SNX31: variants seen among roughly 807,000 people sequenced by gnomAD.
SNX31 encodes the protein sorting nexin 31, also known as sorting nexin-31.
SNX31 carries 58 observed loss-of-function variants against 65.4 expected under a neutral mutation model. The ratio of observed to expected loss-of-function variants is 0.89; its 90% CI spans 0.72 to 1.10. The LOEUF is 1.10. Ranked by LOEUF, SNX31 falls within the 50% of genes least tolerant of loss-of-function variation. The pLI, the probability that SNX31 is intolerant of heterozygous loss-of-function variation, is 0.00. For synonymous variants in SNX31, 181 were observed against 190.1 expected (o/e 0.95, Z 0.39); for missense variants, 523 against 529.7 (o/e 0.99, Z 0.12).
rs1816504952 is a variant in SNX31 at position 100,609,425 on chromosome 8, G to A, written c.612-862C>T. On this transcript the variant is annotated intron_variant, in intron 7 of 13. Coordinates refer to ENST00000311812, the MANE Select transcript of SNX31 (RefSeq NM_152628.4). This position sits in a 1 kb window ranked among gnomAD's most constrained non-coding sequence, Gnocchi z 4.9. ...GACACCATCTGTGAAGAACCCCAAG[G>A]CCAGGGGCCTATCCAGAGTTGCCCC... is the stretch of plus-strand genomic sequence containing the variant. Among the ~76,000 whole-genome samples the A allele has an allele frequency of 6.6e-6, 1 of 152,150 alleles. No individual in the cohort carries two copies. The highest frequency in any genetic ancestry group is 2.4e-5 in the African/African-American group (1 of 41,434).
intron 2 of SNX31, among the ~76,000 whole-genome samples, chr8:100,643,908 C>T (rs1321775035): frequency 2.0e-5 from 3 of 152,138 alleles, no homozygotes; most frequent in Admixed American, 6.6e-5. Flanking sequence ...AAGGTTGAAA[C>T]ATGAAGCGGC....
At chr8:100,646,505 T>A (rs898026508) in intron 2 of SNX31, among the ~76,000 whole-genome samples, 1 of 152,230 alleles carries the variant, frequency 6.6e-6, no homozygotes, top group African/African-American at 2.4e-5. Context: ...AAAGCCTGGC[T>A]GCATCAATAC....
rs1173913088 is a variant in SNX31 at position 100,641,545 on chromosome 8, C to CA, written c.142-5535dup. ...GGGCCACTGGAGTGAGACCTTGTCTCAAAAAAAAAAAAAAAAAAAAATATA... is the reference window on the plus strand; with the variant it reads ...GGGCCACTGGAGTGAGACCTTGTCTCAAAAAAAAAAAAAAAAAAAAAATATA... On this transcript the variant is annotated intron_variant, in intron 2 of 13. Coordinates refer to ENST00000311812, the MANE Select transcript of SNX31 (RefSeq NM_152628.4). Among the ~76,000 whole-genome samples the CA allele has an allele frequency of 8.8e-4, 9 of 10,260 alleles. 2 individuals carry two copies. Among genetic ancestry groups the CA allele is most frequent in the East Asian group, 2.9e-3 (1 of 350 alleles). 6.7% of individuals were successfully genotyped at this position (10,260 alleles called of 152,430 possible).
At chr8:100,646,326 C>A (rs1013605576) in intron 2 of SNX31, among the ~76,000 whole-genome samples, 3 of 152,036 alleles carry the variant, frequency 2.0e-5, no homozygotes, top group Non-Finnish European at 4.4e-5. Flanking sequence ...AGACAGGTCA[C>A]GGGAAGAAGA....
intron 4 of SNX31, chr8:100,618,970 T>A (rs1162501201): frequency 1.3e-5 from 2 of 152,202 alleles, no homozygotes; most frequent in Non-Finnish European, 2.9e-5. Flanking sequence ...CATTGGCCAC[T>A]GGTGACGAAA....
At chr8:100,645,726 C>A (rs1289319515) in intron 2 of SNX31, among the ~76,000 whole-genome samples, 5 of 151,742 alleles carry the variant, frequency 3.3e-5, no homozygotes, top group African/African-American at 1.2e-4. Flanking sequence ...ATCCTCCCAC[C>A]TCAGGCTCCT....
chr8:100,617,730 T>C lies in SNX31; in HGVS notation c.322A>G (p.Asn108Asp), dbSNP rs1817340886. The change falls in exon 5 of 14, where the codon AAT becomes GAT. Residue 108 changes from asparagine (N) to aspartate (D), a missense_variant and splice_region_variant. By Grantham distance (23) the Asn-to-Asp change is conservative (BLOSUM62 1). Transcript: ENST00000311812. ...FVEFLKLAQL[N>D]TFDIATKKAY... ...TTCTTGGTGGCGATGTCAAATGTAT[T>C]CTATAAGCAAAAGAAAAGCAAAATA... is the stretch of plus-strand genomic sequence containing the variant. The C allele has an allele frequency of 1.3e-6, 2 of 1,596,228 alleles. No individual in the cohort carries two copies. Among genetic ancestry groups the C allele is most frequent in the Admixed American group, 1.8e-5 (1 of 55,592 alleles).
chr8:100,600,449 TA>T lies in SNX31; in HGVS notation c.682-9del. 4 of 1,605,116 alleles carry T rather than the reference TA, an allele frequency of 2.5e-6. No homozygotes were observed. Among genetic ancestry groups the T allele is most frequent in the Non-Finnish European group, 2.6e-6 (3 of 1,175,978 alleles). Reference sequence around the variant, plus strand: ...TTCAATGTCCTGTATTGCCTTAAAATAACATAAGTTGTAAAATTAGCAGTCT... The same window carrying T: ...TTCAATGTCCTGTATTGCCTTAAAATACATAAGTTGTAAAATTAGCAGTCT... On this transcript the variant is annotated splice_polypyrimidine_tract_variant and intron_variant, in intron 8 of 13. Coordinates refer to ENST00000311812, the MANE Select transcript of SNX31 (RefSeq NM_152628.4).
intron 4 of SNX31, among the ~76,000 whole-genome samples, chr8:100,619,377 G>A (rs1030337279): frequency 1.3e-5 from 2 of 152,222 alleles, no homozygotes; most frequent in African/African-American, 2.4e-5. Flanking sequence ...TCCAGCTGAA[G>A]GAGCAGCTCC....
chr8:100,635,828 G>T, intron 3 of SNX31, 69 bp downstream of exon 3: 1 of 983,594 alleles, frequency 1.0e-6, no homozygotes, highest in Non-Finnish European at 1.6e-6. Flanking sequence ...CACTTTAGCA[G>T]GTGAATTTTG....
intron 11 of SNX31, 48 bp from the exon 12 acceptor site, chr8:100,584,236 C>T (rs778711792): frequency 2.0e-6 from 3 of 1,480,360 alleles, no homozygotes; most frequent in East Asian, 4.9e-5. Context: ...GAAATCTTCA[C>T]TCTCTTTCTT....
At chr8:100,657,927 T>TA (rs1339126000) in intron 1 of SNX31, 7 of 359,026 alleles carry the variant, frequency 1.9e-5, no homozygotes, top group East Asian at 1.5e-4. Flanking sequence ...AACAAACAAC[T>TA]AAAAAAATTG....
chr8:100,605,945 T>C (rs554512508), intron 8 of SNX31, among the ~76,000 whole-genome samples: 2 of 151,994 alleles, frequency 1.3e-5, no homozygotes, highest in African/African-American at 4.8e-5. Flanking sequence ...TAAAAATGTA[T>C]CATAATAGCA....
At chr8:100,663,243 C>A (rs909149694) in exon 1 of SNX31, 14 of 152,134 alleles carry the variant, frequency 9.2e-5, no homozygotes, top group Admixed American at 5.9e-4. Flanking sequence ...GCAGATACCC[C>A]CCCCAATCCA....
At chr8:100,584,263 A>C in intron 11 of SNX31, 75 bp from the exon 12 acceptor site, 1 of 1,225,130 alleles carries the variant, frequency 8.2e-7, no homozygotes, top group Non-Finnish European at 1.1e-6. Context: ...TCACACCACA[A>C]AGCGGATTTT....
intron 2 of SNX31, among the ~76,000 whole-genome samples, chr8:100,645,994 T>C (rs1011474355): frequency 1.3e-5 from 2 of 152,090 alleles, no homozygotes; most frequent in African/African-American, 4.8e-5. Context: ...CAAAATCCTG[T>C]GTCTGGAACT....
In SNX31 at chr8:100,624,638, A is replaced by G. The variant is rs142604001; in HGVS notation, c.321+5689T>C. 9.4e-3 allele frequency among the ~76,000 whole-genome samples: 1,429 copies of G among 152,334 alleles called. 19 individuals are homozygous for G. The highest frequency in any genetic ancestry group is 0.032 in the African/African-American group (1,337 of 41,560). On this transcript the variant is annotated intron_variant, in intron 4 of 13. Transcript: ENST00000311812. Reference sequence around the variant, plus strand: ...ACAAGTTTAGAGTGGAAATCAAACAACAATTTGGCTCTATTTGTGATATTT... The same window carrying G: ...ACAAGTTTAGAGTGGAAATCAAACAGCAATTTGGCTCTATTTGTGATATTT...
intron 7 of SNX31, among the ~76,000 whole-genome samples, chr8:100,611,351 T>C (rs1330848968): frequency 2.0e-5 from 3 of 152,160 alleles, no homozygotes; most frequent in Admixed American, 6.5e-5. Context: ...CTTTAATCCA[T>C]GTCCCCTGGC....
upstream of SNX31, among the ~76,000 whole-genome samples, chr8:100,650,563 G>C (rs576832482): frequency 5.9e-5 from 9 of 152,304 alleles, no homozygotes; most frequent in East Asian, 1.5e-3. Flanking sequence ...ACGGGAATCC[G>C]AGACTAAGGA....
Sources: gnomAD v4.1 joint callset for allele counts (sites outside exome capture counted in the v4.1 genomes callset) on GRCh38, gnomAD v4.1.1 for gene constraint, Gnocchi (gnomAD v3.1) non-coding constraint, MANE v1.5 for transcripts, NCBI Gene and HGNC (gene_info 2026-07-23, HGNC 2026-07-21) for gene names.